GRM8: variants seen among roughly 807,000 people sequenced by gnomAD.
GRM8 encodes glutamate metabotropic receptor 8.
GRM8 carries 47 observed loss-of-function variants against 87.2 expected under a neutral mutation model. That is an observed-to-expected ratio of 0.54 (90% CI 0.43 to 0.69). The LOEUF (loss-of-function observed/expected upper bound fraction) is 0.69. GRM8 is among the 30% of genes least tolerant of loss of function. The pLI is 0.00. For synonymous variants in GRM8, 396 were observed against 404.5 expected (o/e 0.98, Z 0.25); for missense variants, 1,019 against 1,139.2 (o/e 0.89, Z 1.52).
At chr7:126,895,870 T>C (rs1322272002) in intron 6 of GRM8, among the ~76,000 whole-genome samples, 1 of 151,528 alleles carries the variant, frequency 6.6e-6, no homozygotes, top group African/African-American at 2.4e-5. Flanking sequence ...AACCAATATG[T>C]TATTTTTGCT....
intron 6 of GRM8, among the ~76,000 whole-genome samples, chr7:126,825,928 T>A (rs1037677548): frequency 1.3e-5 from 2 of 150,738 alleles, no homozygotes; most frequent in Admixed American, 1.3e-4. Context: ...TGTCCATGTG[T>A]TCTCATTGTT....
At chr7:126,653,170 G>A (rs574021734) in intron 7 of GRM8, among the ~76,000 whole-genome samples, 58 of 152,042 alleles carry the variant, frequency 3.8e-4, no homozygotes, top group African/African-American at 1.3e-3. Flanking sequence ...AGGTGTGTTG[G>A]TACATGCCTG....
intron 2 of GRM8, among the ~76,000 whole-genome samples, chr7:127,124,373 C>G (rs1028021908): frequency 2.0e-5 from 3 of 152,118 alleles, no homozygotes; most frequent in Non-Finnish European, 4.4e-5. Flanking sequence ...ACTTTAAAAT[C>G]TGGACAATAT....
chr7:126,570,818 A>G (rs1794630233), intron 8 of GRM8, among the ~76,000 whole-genome samples: 1 of 152,216 alleles, frequency 6.6e-6, no homozygotes, highest in African/African-American at 2.4e-5. Flanking sequence ...ATAGGTGTCT[A>G]GTTGATTCAC....
intron 3 of GRM8, among the ~76,000 whole-genome samples, chr7:126,975,698 G>C (rs905096746): frequency 1.3e-4 from 20 of 152,074 alleles, no homozygotes; most frequent in African/African-American, 4.3e-4. Flanking sequence ...TTATTTGGGA[G>C]CTCAGAATTT....
chr7:127,138,510 G>A (rs892720381), intron 2 of GRM8, among the ~76,000 whole-genome samples: 5 of 152,074 alleles, frequency 3.3e-5, no homozygotes, highest in Non-Finnish European at 5.9e-5. Context: ...TCTCATTTGG[G>A]TAAACAAGCT....
At chr7:126,901,774 C>G (rs974830446) in intron 6 of GRM8, among the ~76,000 whole-genome samples, 1 of 152,018 alleles carries the variant, frequency 6.6e-6, no homozygotes, top group African/African-American at 2.4e-5. Flanking sequence ...AAAATTGACC[C>G]TTATATATGT....
intron 2 of GRM8, among the ~76,000 whole-genome samples, chr7:127,239,252 C>T (rs527410828): frequency 1.3e-5 from 2 of 152,288 alleles, no homozygotes; most frequent in East Asian, 3.9e-4. Context: ...AAATATTTTC[C>T]ATAAAATTTT....
intron 3 of GRM8, among the ~76,000 whole-genome samples, chr7:127,039,432 A>G (rs914189631): frequency 6.6e-6 from 1 of 152,084 alleles, no homozygotes; most frequent in Admixed American, 6.5e-5. Context: ...CAGGCTTTTA[A>G]CATCCAGAAT....
At chr7:127,240,629 G>A (rs1389287818) in intron 2 of GRM8, among the ~76,000 whole-genome samples, 4 of 152,092 alleles carry the variant, frequency 2.6e-5, no homozygotes, top group Non-Finnish European at 5.9e-5. Flanking sequence ...AGATTCTTAG[G>A]AAACTTTTCC....
intron 8 of GRM8, among the ~76,000 whole-genome samples, chr7:126,593,736 A>T (rs1796903801): frequency 1.3e-5 from 2 of 152,100 alleles, no homozygotes; most frequent in African/African-American, 4.8e-5. Flanking sequence ...ACAAAAGCAA[A>T]AATAAATGAG....
chr7:126,600,079 A>C (rs1797585851), intron 8 of GRM8, among the ~76,000 whole-genome samples: 1 of 152,210 alleles, frequency 6.6e-6, no homozygotes, highest in African/African-American at 2.4e-5. Flanking sequence ...GAAACTATCC[A>C]GTGTCCCTAG....
At chr7:127,012,923 G>C (rs1474486605) in intron 3 of GRM8, among the ~76,000 whole-genome samples, 1 of 152,116 alleles carries the variant, frequency 6.6e-6, no homozygotes, top group Admixed American at 6.6e-5. Context: ...TCCTACTGCA[G>C]CCTTCTTGCA....
chr7:126,726,450 G>A (rs147020546), intron 7 of GRM8, among the ~76,000 whole-genome samples: 16 of 152,196 alleles, frequency 1.1e-4, no homozygotes, highest in East Asian at 1.9e-4. Context: ...GCTGATGAGC[G>A]GGTCCCTGCT....
intron 2 of GRM8, among the ~76,000 whole-genome samples, chr7:127,222,729 T>C (rs1797015795): frequency 6.6e-6 from 1 of 152,174 alleles, no homozygotes; most frequent in Non-Finnish European, 1.5e-5. Flanking sequence ...CAGAAATATG[T>C]CCCTTCTAAT....
chr7:126,694,612 A>T (rs1047138948), intron 7 of GRM8, among the ~76,000 whole-genome samples: 1 of 152,206 alleles, frequency 6.6e-6, no homozygotes, highest in Non-Finnish European at 1.5e-5. Context: ...ATACATATGG[A>T]AAATTGTTAG....
At chr7:126,510,010 AG>A (rs1271370405) in intron 9 of GRM8, among the ~76,000 whole-genome samples, 1 of 152,032 alleles carries the variant, frequency 6.6e-6, no homozygotes, top group Non-Finnish European at 1.5e-5. Context: ...GATGTCTATT[AG>A]AAAGAAAGGT....
In GRM8 at chr7:126,609,444, T is replaced by G; in HGVS notation, c.1412A>C (p.Tyr471Ser). ...GGTTATTTGATACTGGAAGATATCATAACGTCCAGGAGCATCTCCGTTTTC... is the reference window on the plus strand; with the variant it reads ...GGTTATTTGATACTGGAAGATATCAGAACGTCCAGGAGCATCTCCGTTTTC... ...FNENGDAPGR[Y>S]DIFQYQITNK... The change falls in exon 8 of 11, where the codon TAT becomes TCT. Residue 471 changes from tyrosine (Y) to serine (S), a missense_variant. Physicochemically the swap from Tyr to Ser is moderately radical, Grantham distance 144 (BLOSUM62 -2). Transcript: ENST00000339582. The G allele has an allele frequency of 6.2e-7, 1 of 1,611,734 alleles. No homozygotes were observed. Among genetic ancestry groups the G allele is most frequent in the Middle Eastern group, 1.7e-4 (1 of 6,050 alleles).
intron 9 of GRM8, among the ~76,000 whole-genome samples, chr7:126,528,218 G>GACGACA (rs1562922963): frequency 6.6e-6 from 1 of 151,756 alleles, no homozygotes; most frequent in East Asian, 1.9e-4. Flanking sequence ...AAAAAACAAC[G>GACGACA]ACAACAACAA....
Sources: gnomAD v4.1 joint callset for allele counts (sites outside exome capture counted in the v4.1 genomes callset) on GRCh38, gnomAD v4.1.1 for gene constraint, MANE v1.5 for transcripts, NCBI Gene and HGNC (gene_info 2026-07-23, HGNC 2026-07-21) for gene names.